Variants in TP53I11 observed in about 807,000 individuals in gnomAD.
The protein encoded by TP53I11 is tumor protein p53-inducible protein 11.
In TP53I11, 9 loss-of-function variants were observed where a neutral mutation model predicts 23.3. The observed-to-expected ratio is 0.39, with a 90% CI of 0.23 to 0.67. TP53I11 has a LOEUF of 0.67. Ranked by LOEUF, TP53I11 falls within the 30% of genes least tolerant of loss-of-function variation. The pLI is 0.48. For missense variants in TP53I11, 170 were observed against 255.2 expected, an observed-to-expected ratio of 0.67 and a Z score of 2.27; for synonymous variants, 100 against 106.1, an observed-to-expected ratio of 0.94 and a Z score of 0.35.
chr11:44,945,893 G>A (rs116037385), intron 1 of TP53I11, among the ~76,000 whole-genome samples: 1,814 of 152,252 alleles, frequency 0.012, 23 homozygotes, highest in African/African-American at 0.041. Context: ...CAGGGCTGCC[G>A]TCGGCCCCTT....
At chr11:44,942,219 CACCACACACCT>C (rs1397853325) in intron 1 of TP53I11, among the ~76,000 whole-genome samples, 2 of 146,730 alleles carry the variant, frequency 1.4e-5, no homozygotes, top group East Asian at 2.1e-4. Context: ...CACACACACC[CACCACACACCT>C]ACCACACACC....
chr11:44,937,241 G>A, intron 4 of TP53I11, 63 bp downstream of exon 4: 4 of 1,526,524 alleles, frequency 2.6e-6, no homozygotes, highest in South Asian at 1.2e-5. Flanking sequence ...CCTCTGGTGA[G>A]CCAGAGAAGG....
Position 44,934,878 on chromosome 11 carries a change from G to C in TP53I11, c.*6C>G. ...GCATGGGCAGGGCCCCAGGCCCAGC[G>C]GGCAACTAGGCCTTCTTGGGTCTTC... is the stretch of plus-strand genomic sequence containing the variant. On this transcript the variant is annotated 3_prime_UTR_variant, in exon 7 of 7. Transcript: ENST00000525680. 2 of 1,613,926 alleles carry C rather than the reference G, an allele frequency of 1.2e-6. No individual in the cohort carries two copies. Among genetic ancestry groups the C allele is most frequent in the Admixed American group, 1.7e-5 (1 of 60,024 alleles).
rs779046021 is a variant in TP53I11, at chr11:44,936,550, T to C, written c.334+253A>G. Reference sequence around the variant, plus strand: ...TCTGTACCACAACGCCCAGAGGCAGTGCACACACTTATGAGCGCTCCTTGC... The same window carrying C: ...TCTGTACCACAACGCCCAGAGGCAGCGCACACACTTATGAGCGCTCCTTGC... On this transcript the variant is annotated intron_variant, in intron 5 of 6. Transcript: ENST00000525680. The surrounding 1 kb of genome is among the most constrained non-coding windows in gnomAD (Gnocchi z 4.4). The C allele has an allele frequency of 4.7e-6, 6 of 1,277,882 alleles. No individual in the cohort carries two copies. The African/African-American group carries it at 9.3e-5, about 20-fold the overall frequency. The allele number at this position is 1,277,882 out of a possible 1,614,324, so 79.2% of individuals were successfully genotyped here.
chr11:44,942,176 C>G (rs1307232249), intron 1 of TP53I11, among the ~76,000 whole-genome samples: 2 of 99,518 alleles, frequency 2.0e-5, no homozygotes, highest in Non-Finnish European at 4.2e-5. Context: ...AATGCACACA[C>G]AAAACACACA....
intron 1 of TP53I11, among the ~76,000 whole-genome samples, chr11:44,946,800 G>C (rs1172794150): frequency 6.6e-6 from 1 of 152,084 alleles, no homozygotes; most frequent in Non-Finnish European, 1.5e-5. Flanking sequence ...TGAGAATGTG[G>C]TCTCTAGGGC....
At chr11:44,937,427 G>A (rs1040013738) in intron 3 of TP53I11, 75 bp from the exon 4 acceptor site, 14 of 1,492,336 alleles carry the variant, frequency 9.4e-6, no homozygotes, top group Admixed American at 2.2e-5. Flanking sequence ...CCCCAGGGAT[G>A]GCAGCTTTGG....
At chr11:44,945,565 C>A (rs1565120377) in intron 1 of TP53I11, among the ~76,000 whole-genome samples, 1 of 152,018 alleles carries the variant, frequency 6.6e-6, no homozygotes, top group Admixed American at 6.5e-5. Flanking sequence ...CCGGAAAGTC[C>A]CTGGTGGTCG....
Position 44,936,168 on chromosome 11 carries a change from CCTCTA to C in TP53I11, c.335-511_335-507del. 1 of 987,180 alleles carries C rather than the reference CCTCTA, an allele frequency of 1.0e-6. No homozygotes were observed. The highest frequency in any genetic ancestry group is 1.2e-6 in the Non-Finnish European group (1 of 824,970). 61.2% of individuals were successfully genotyped at this position (987,180 alleles called of 1,614,324 possible). The stretch of plus-strand genomic sequence containing the variant: ...TTTTAGCAGAAGACCACTGACTTGG[CCTCTA>C]GCAGGCCCCGCCCACCCAGTGTCTG... On this transcript the variant is annotated intron_variant, in intron 5 of 6. Coordinates refer to ENST00000525680, the MANE Select transcript of TP53I11 (RefSeq NM_006034.5). This position sits in a 1 kb window ranked among gnomAD's most constrained non-coding sequence, Gnocchi z 4.4.
At chr11:44,944,685 C>A (rs549025377) in intron 1 of TP53I11, among the ~76,000 whole-genome samples, 13 of 152,314 alleles carry the variant, frequency 8.5e-5, no homozygotes, top group African/African-American at 2.9e-4. Context: ...AGTTACTTAA[C>A]CTCTCTGAGC....
chr11:44,950,641 C>G (rs559574853), intron 1 of TP53I11, 36 bp downstream of exon 1: 7 of 152,208 alleles, frequency 4.6e-5, no homozygotes, highest in African/African-American at 1.7e-4. Context: ...GGGGAAAGTC[C>G]GCGGCTCGGA....
intron 1 of TP53I11, among the ~76,000 whole-genome samples, chr11:44,948,374 A>C (rs1455976412): frequency 6.6e-6 from 1 of 152,018 alleles, no homozygotes; most frequent in Non-Finnish European, 1.5e-5. Context: ...GGGCCTTTGC[A>C]TGGGCTGTGC....
intron 4 of TP53I11, 103 bp downstream of exon 4, chr11:44,937,201 C>G (rs774677885): frequency 2.4e-5 from 34 of 1,429,566 alleles, no homozygotes; most frequent in Admixed American, 6.0e-5. Context: ...CAGATGGGCC[C>G]CTGCACGAGG....
intron 3 of TP53I11, 34 bp from the exon 4 acceptor site, chr11:44,937,386 C>T (rs1324548618): frequency 7.5e-6 from 11 of 1,475,528 alleles, no homozygotes; most frequent in South Asian, 1.4e-5. Flanking sequence ...ACAGCCCTGC[C>T]CCAGGGGACC....
chr11:44,941,257 C>A (rs1861726477), intron 1 of TP53I11, among the ~76,000 whole-genome samples: 2 of 152,196 alleles, frequency 1.3e-5, no homozygotes, highest in African/African-American at 2.4e-5. Flanking sequence ...GATCTGCTAG[C>A]CACTGATTAG....
intron 1 of TP53I11, among the ~76,000 whole-genome samples, chr11:44,942,050 A>AC (rs1861844825): frequency 8.3e-6 from 1 of 120,682 alleles, no homozygotes; most frequent in African/African-American, 3.2e-5. Context: ...CATACACACC[A>AC]CACACACCAC....
chr11:44,941,232 G>A (rs534397744), intron 1 of TP53I11, among the ~76,000 whole-genome samples: 23 of 152,172 alleles, frequency 1.5e-4, no homozygotes, highest in Middle Eastern at 3.2e-3. Context: ...AGCCTTGGCC[G>A]GGGGAGGGGG....
At chr11:44,945,871 T>G (rs1293723944) in intron 1 of TP53I11, among the ~76,000 whole-genome samples, 1 of 152,170 alleles carries the variant, frequency 6.6e-6, no homozygotes, top group Non-Finnish European at 1.5e-5. Flanking sequence ...CCGCTCCAGC[T>G]GCGGTCCCTC....
rs773474136 is a variant in TP53I11, at chr11:44,936,329, T to C, written c.334+474A>G. 83 of 1,209,148 alleles carry C rather than the reference T, an allele frequency of 6.9e-5. No homozygotes were observed. Among genetic ancestry groups the C allele is most frequent in the Non-Finnish European group, 8.5e-5 (83 of 974,442 alleles). The allele number at this position is 1,209,148 out of a possible 1,614,324, so 74.9% of individuals were successfully genotyped here. A position where few individuals can be genotyped will look rare whatever the true frequency, so the allele number is the denominator to read the frequency against. On this transcript the variant is annotated intron_variant, in intron 5 of 6. Coordinates refer to ENST00000525680, the MANE Select transcript of TP53I11 (RefSeq NM_006034.5). This position sits in a 1 kb window ranked among gnomAD's most constrained non-coding sequence, Gnocchi z 4.4. The stretch of plus-strand genomic sequence containing the variant: ...TTCGTAGAAATAGAGGCATATTACC[T>C]ATGCTGAGCTTTAAAAATTGTAATT...
Sources: allele counts gnomAD v4.1 joint callset (sites outside exome capture counted in the v4.1 genomes callset), GRCh38; gene constraint gnomAD v4.1.1; non-coding constraint Gnocchi (gnomAD v3.1); transcripts MANE v1.5; gene names NCBI Gene and HGNC (gene_info 2026-07-23, HGNC 2026-07-21).